Variants in KLKB1 observed in about 807,000 individuals in gnomAD.
The protein encoded by KLKB1 is plasma kallikrein.
KLKB1 carries 58 observed loss-of-function variants against 73.6 expected under a neutral mutation model. That is an observed-to-expected ratio of 0.79 (90% confidence interval 0.64 to 0.98). The LOEUF is 0.98. Ranked by LOEUF, KLKB1 falls within the 50% of genes least tolerant of loss-of-function variation. The pLI, the probability that KLKB1 is intolerant of heterozygous loss-of-function variation, is 0.00. For missense variants in KLKB1, 737 were observed against 763.8 expected, an observed-to-expected ratio of 0.96 and a Z score of 0.41; for synonymous variants, 280 against 258.1, an observed-to-expected ratio of 1.08 and a Z score of -0.81.
intron 6 of KLKB1, among the ~76,000 whole-genome samples, chr4:186,244,153 G>A (rs1738203218): frequency 6.6e-6 from 1 of 152,172 alleles, no homozygotes; most frequent in African/African-American, 2.4e-5. Context: ...GAGCTAGTGT[G>A]GGAGCAGTTT....
rs976824009 is a variant in KLKB1 at position 186,250,405 on chromosome 4, G to A, written c.758+3G>A. On this transcript the variant is annotated splice_donor_region_variant and intron_variant, in intron 7 of 14. Coordinates refer to ENST00000264690, the MANE Select transcript of KLKB1 (RefSeq NM_000892.5). ...GTATGGAAAATCGAGTCACAAAGGC[G>A]AGTATGCATGGAAAATCGCATCACA... 38 of 1,613,608 alleles carry A rather than the reference G, an allele frequency of 2.4e-5. No homozygotes were observed. Among genetic ancestry groups the A allele is most frequent in the African/African-American group, 5.3e-5 (4 of 74,904 alleles).
intron 6 of KLKB1, among the ~76,000 whole-genome samples, chr4:186,238,576 C>T (rs1737832464): frequency 6.6e-6 from 1 of 152,052 alleles, no homozygotes; most frequent in African/African-American, 2.4e-5. Flanking sequence ...TGAGTGCTCA[C>T]AAGGCTCATA....
In KLKB1 at chr4:186,251,286, A is replaced by G. The variant is rs753669597; in HGVS notation, c.826A>G (p.Ile276Val). Residue 276 changes from isoleucine (I) to valine (V), a missense_variant, in exon 8 of 15, where the codon ATA becomes GTA. Coordinates refer to ENST00000264690, the MANE Select transcript of KLKB1 (RefSeq NM_000892.5). ...PSSSTPQENT[I>V]SGYSLLTCKR... ...TTCCTCTACTCCTCAAGAAAACACC[A>G]TATCTGGATATAGCCTTTTAACCTG... 6.8e-6 allele frequency: 11 copies of G among 1,611,572 alleles called. No homozygotes were observed. The South Asian group carries it at 7.7e-5, about 11-fold the overall frequency.
At position 186,258,422 on chromosome 4, in the gene KLKB1, A is replaced by G; in HGVS notation, c.*210A>G. Reference sequence around the variant, plus strand: ...CCAGGGGCTGACAATGCGAGGTCGCAACTGAGATCTCCATGACTGTGTGTT... The same window carrying G: ...CCAGGGGCTGACAATGCGAGGTCGCGACTGAGATCTCCATGACTGTGTGTT... On this transcript the variant is annotated 3_prime_UTR_variant, in exon 15 of 15. Transcript: ENST00000264690. 3.2e-6 allele frequency: 2 copies of G among 624,170 alleles called. No homozygotes were observed. Among genetic ancestry groups the G allele is most frequent in the Non-Finnish European group, 5.8e-6 (2 of 346,202 alleles). The allele number at this position is 624,170 out of a possible 1,614,324, so 38.7% of individuals were successfully genotyped here.
Position 186,254,889 on chromosome 4 carries a change from C to T in KLKB1, c.1489+126C>T, listed in dbSNP as rs546143687. 36 of 792,422 alleles carry T rather than the reference C, an allele frequency of 4.5e-5. No individual in the cohort carries two copies. The South Asian group carries it at 5.3e-4, about 12-fold the overall frequency. 49.1% of individuals were successfully genotyped at this position (792,422 alleles called of 1,614,324 possible). On this transcript the variant is annotated intron_variant, in intron 12 of 14. Coordinates refer to ENST00000264690, the MANE Select transcript of KLKB1 (RefSeq NM_000892.5). ...TTCTGACTGGTGGAGTTGAGGGAAA[C>T]GTGAGGGTTGCTGGGAAGTGAAGAC...
chr4:186,253,578 G>C (rs1738822986), intron 11 of KLKB1, among the ~76,000 whole-genome samples: 1 of 152,008 alleles, frequency 6.6e-6, no homozygotes, highest in African/African-American at 2.4e-5. Flanking sequence ...AGAGATAATA[G>C]ACATAAAAGT....
chr4:186,213,987 T>C (rs949986218), intron 2 of KLKB1, among the ~76,000 whole-genome samples: 1 of 152,166 alleles, frequency 6.6e-6, no homozygotes, highest in Non-Finnish European at 1.5e-5. Context: ...ATACACACAC[T>C]GTAAATATGT....
chr4:186,219,601 T>C (rs1007776915), intron 2 of KLKB1, among the ~76,000 whole-genome samples: 1 of 152,212 alleles, frequency 6.6e-6, no homozygotes, highest in Non-Finnish European at 1.5e-5. Context: ...GGAGGAAATA[T>C]GACAATTACA....
chr4:186,232,080 A>G, intron 2 of KLKB1, 47 bp from the exon 3 acceptor site: 1 of 1,490,032 alleles, frequency 6.7e-7, no homozygotes, highest in Non-Finnish European at 9.2e-7. Flanking sequence ...TTTTATTAAA[A>G]TTATTATATG....
chr4:186,252,007 C>G lies in KLKB1; in HGVS notation c.1145-10C>G, dbSNP rs1481714594. The G allele has an allele frequency of 8.1e-6, 13 of 1,614,100 alleles. No individual in the cohort carries two copies. Among genetic ancestry groups the G allele is most frequent in the African/African-American group, 1.3e-5 (1 of 74,940 alleles). ...AATTCCAACCATTAGCGTCAACGCT[C>G]TCTTTTCAGTCTGCACAACAAAAAC... On this transcript the variant is annotated splice_polypyrimidine_tract_variant and intron_variant, in intron 10 of 14. Coordinates refer to ENST00000264690, the MANE Select transcript of KLKB1 (RefSeq NM_000892.5).
chr4:186,251,483 A>G lies in KLKB1; in HGVS notation c.869-4A>G, dbSNP rs1738670369. ...ATATCTTTTTGTGTTTATAATTGAC[A>G]CAGAACCCTGCCATTCTAAAATTTA... On this transcript the variant is annotated splice_region_variant and splice_polypyrimidine_tract_variant and intron_variant, in intron 8 of 14. Coordinates refer to ENST00000264690, the MANE Select transcript of KLKB1 (RefSeq NM_000892.5). The G allele has an allele frequency of 1.2e-6, 2 of 1,613,404 alleles. No individual in the cohort carries two copies. Among genetic ancestry groups the G allele is most frequent in the Middle Eastern group, 1.7e-4 (1 of 6,060 alleles).
chr4:186,214,312 T>G (rs1248318474), intron 2 of KLKB1, among the ~76,000 whole-genome samples: 2 of 152,226 alleles, frequency 1.3e-5, no homozygotes, highest in Non-Finnish European at 2.9e-5. Flanking sequence ...CCACCCTACT[T>G]GGGAACCCAA....
chr4:186,236,682 A>G (rs903131637), intron 4 of KLKB1, 99 bp from the exon 5 acceptor site: 9 of 1,188,120 alleles, frequency 7.6e-6, no homozygotes, highest in African/African-American at 6.0e-5. Flanking sequence ...AAACTGGGCT[A>G]TTATCATTCT....
intron 12 of KLKB1, among the ~76,000 whole-genome samples, chr4:186,255,346 A>C (rs1738942595): frequency 6.6e-6 from 1 of 152,196 alleles, no homozygotes; most frequent in Non-Finnish European, 1.5e-5. Flanking sequence ...GGATTGCTTG[A>C]GGCCAGGAGT....
chr4:186,258,090 G>A lies in KLKB1; in HGVS notation c.1795G>A (p.Gly599Ser). The A allele has an allele frequency of 1.2e-6, 2 of 1,614,138 alleles. No individual in the cohort carries two copies. Among genetic ancestry groups the A allele is most frequent in the Non-Finnish European group, 1.7e-6 (2 of 1,179,994 alleles). The change falls in exon 15 of 15, where the codon GGT (glycine) becomes AGT (serine). Residue 599 changes from glycine to serine, a missense_variant. Transcript: ENST00000264690. ...GCGTTTGGTGGGCATCACCAGCTGG[G>A]GTGAAGGCTGTGCCCGCAGGGAGCA... ...MWRLVGITSWGEGCARREQPG... is the reference protein window; with the variant it reads ...MWRLVGITSWSEGCARREQPG...
intron 2 of KLKB1, among the ~76,000 whole-genome samples, chr4:186,213,721 G>A (rs1736804662): frequency 1.3e-5 from 2 of 152,196 alleles, no homozygotes; most frequent in Non-Finnish European, 2.9e-5. Flanking sequence ...CATTGTCACA[G>A]ACAGCTGGGG....
intron 2 of KLKB1, among the ~76,000 whole-genome samples, chr4:186,218,032 T>C (rs916782838): frequency 3.3e-5 from 5 of 152,208 alleles, no homozygotes; most frequent in Non-Finnish European, 1.5e-5. Flanking sequence ...AACTCTGCCA[T>C]TGTAAGGTGA....
chr4:186,220,086 C>T (rs1561444306), intron 2 of KLKB1, among the ~76,000 whole-genome samples: 1 of 151,832 alleles, frequency 6.6e-6, no homozygotes, highest in Non-Finnish European at 1.5e-5. Flanking sequence ...CCCTCTGAAA[C>T]TAACACAACT....
At chr4:186,229,470 A>G (rs1006675411) in intron 2 of KLKB1, among the ~76,000 whole-genome samples, 2 of 152,146 alleles carry the variant, frequency 1.3e-5, no homozygotes, top group Non-Finnish European at 2.9e-5. Context: ...TAAGTAATAT[A>G]TTTTGGAGCT....
Sources: allele counts gnomAD v4.1 joint callset (sites outside exome capture counted in the v4.1 genomes callset), GRCh38; gene constraint gnomAD v4.1.1; transcripts MANE v1.5; gene names NCBI Gene and HGNC (gene_info 2026-07-23, HGNC 2026-07-21).